The following NFIC variants were observed in gnomAD, a reference collection of about 807,000 sequenced individuals.
NFIC encodes nuclear factor 1 C-type.
A neutral mutation model predicts 54.4 loss-of-function variants in NFIC; 12 were observed. That is an observed-to-expected ratio of 0.22 (90% CI 0.14 to 0.36). The LOEUF (loss-of-function observed/expected upper bound fraction) is 0.36. Ranked by LOEUF, NFIC falls within the 10% of genes least tolerant of loss-of-function variation. NFIC has a pLI of 1.00. For synonymous variants in NFIC, 322 were observed against 319.2 expected, an observed-to-expected ratio of 1.01 and a Z score of -0.09; for missense variants, 575 against 718.2, an observed-to-expected ratio of 0.80 and a Z score of 2.28.
At chr19:3,462,471 C>T (rs940631020) in intron 10 of NFIC, among the ~76,000 whole-genome samples, 11 of 152,240 alleles carry the variant, frequency 7.2e-5, no homozygotes, top group South Asian at 2.1e-4. Context: ...CCCAATGTTG[C>T]GTGGGCTAGA....
chr19:3,439,609 T>A (rs2082260571), intron 6 of NFIC, among the ~76,000 whole-genome samples: 2 of 149,862 alleles, frequency 1.3e-5, no homozygotes, highest in East Asian at 4.0e-4. Flanking sequence ...GCCATTACAC[T>A]CCAGCCTGGG....
At chr19:3,380,659 TCTTGCTCTGTCGCC>T (rs2081192568) in intron 1 of NFIC, among the ~76,000 whole-genome samples, 1 of 133,170 alleles carries the variant, frequency 7.5e-6, no homozygotes, top group African/African-American at 2.9e-5. Context: ...TTTGTGACAG[TCTTGCTCTGTCGCC>T]CAGGCTGGAG....
intron 2 of NFIC, among the ~76,000 whole-genome samples, chr19:3,412,035 G>A: frequency 6.6e-6 from 1 of 152,172 alleles, no homozygotes; most frequent in East Asian, 1.9e-4. Context: ...ACATTTTAAA[G>A]CCTGTAATCG....
chr19:3,430,822 CTT>C (rs1449416075), intron 3 of NFIC, among the ~76,000 whole-genome samples: 3 of 150,990 alleles, frequency 2.0e-5, no homozygotes, highest in African/African-American at 7.3e-5. Context: ...ATCCCAGCTA[CTT>C]GGGAGGCTGA....
In NFIC at chr19:3,433,526, G is replaced by A. The variant is rs775927356; in HGVS notation, c.643G>A (p.Asp215Asn). 5 of 1,613,858 alleles carry A rather than the reference G, an allele frequency of 3.1e-6. No homozygotes were observed. Among genetic ancestry groups the A allele is most frequent in the East Asian group, 2.2e-5 (1 of 44,872 alleles). ...DSKPITLDTT[D>N]FQESFVTSGV... Reference sequence around the variant, plus strand: ...CTGTCTTCCTGTTCCAGACACGACCGACTTCCAGGAGAGCTTTGTCACCTC... The same window carrying A: ...CTGTCTTCCTGTTCCAGACACGACCAACTTCCAGGAGAGCTTTGTCACCTC... Residue 215 changes from aspartate to asparagine, a missense_variant, in exon 4 of 11, where the codon GAC (aspartate) becomes AAC (asparagine). By Grantham distance (23) the Asp-to-Asn change is conservative. Around this residue, in one of 3 missense-constraint regions of NFIC, gnomAD observed 447 missense variants for 526.9 expected, o/e 0.85. Transcript: ENST00000443272.
At chr19:3,432,622 C>T (rs915939585) in intron 3 of NFIC, among the ~76,000 whole-genome samples, 120 of 151,222 alleles carry the variant, frequency 7.9e-4, no homozygotes, top group African/African-American at 1.9e-3. Flanking sequence ...GATCACACAC[C>T]GAGGCAGGTG....
At chr19:3,415,414 C>CAT (rs1568433351) in intron 2 of NFIC, among the ~76,000 whole-genome samples, 9 of 151,876 alleles carry the variant, frequency 5.9e-5, no homozygotes, top group African/African-American at 1.7e-4. Flanking sequence ...AGCTCTACTG[C>CAT]GCCCGGCCAA....
At position 3,371,998 on chromosome 19, in the gene NFIC, C is replaced by CCTCTCTCTCTCT. The variant is rs56852086; in HGVS notation, c.30+5366_30+5377dup. Among the ~76,000 whole-genome samples, 91 of 35,412 alleles carry CCTCTCTCTCTCT rather than the reference C, an allele frequency of 2.6e-3. 14 individuals carry two copies. Among genetic ancestry groups the CCTCTCTCTCTCT allele is most frequent in the East Asian group, 3.9e-3 (4 of 1,038 alleles). The allele number at this position is 35,412 out of a possible 152,430, so 23.2% of individuals were successfully genotyped here. On this transcript the variant is annotated intron_variant, in intron 1 of 10. Transcript: ENST00000443272. ...CTTTCTCTCTCTCTCCCTCTCTCTC[C>CCTCTCTCTCTCT]CTCTCTCTCTCTCTCTCTCTCTCTC... is the stretch of plus-strand genomic sequence containing the variant.
intron 2 of NFIC, among the ~76,000 whole-genome samples, chr19:3,390,844 TG>T: frequency 2.1e-5 from 1 of 47,832 alleles, no homozygotes; most frequent in Middle Eastern, 0.01. Context: ...GAAAGTAGGA[TG>T]GGGGGTGCCA....
chr19:3,419,948 C>T (rs7246522), intron 2 of NFIC, among the ~76,000 whole-genome samples: 138,169 of 152,200 alleles, frequency 0.91, 62,802 homozygotes, highest in Non-Finnish European at 0.93. Flanking sequence ...TGTTTTCTCC[C>T]GAGATCAGGA....
chr19:3,448,862 A>C, intron 6 of NFIC, 152 bp from the exon 7 acceptor site: 1 of 1,226,892 alleles, frequency 8.2e-7, no homozygotes. Context: ...TCCTCTGTGT[A>C]ATGGGCTCAC....
At chr19:3,446,095 A>T (rs1302078546) in intron 6 of NFIC, among the ~76,000 whole-genome samples, 1 of 152,062 alleles carries the variant, frequency 6.6e-6, no homozygotes. Context: ...AATTATTTGG[A>T]AAATATTGAG....
intron 2 of NFIC, among the ~76,000 whole-genome samples, chr19:3,393,293 G>C (rs1198086007): frequency 1.3e-5 from 2 of 152,174 alleles, no homozygotes; most frequent in African/African-American, 2.4e-5. Flanking sequence ...CCAGCAAGGA[G>C]GGACCCTAGG....
At chr19:3,441,676 C>T (rs2082295864) in intron 6 of NFIC, among the ~76,000 whole-genome samples, 1 of 152,132 alleles carries the variant, frequency 6.6e-6, no homozygotes, top group South Asian at 2.1e-4. Context: ...AGGGAAGGGC[C>T]AGAGGGGCCG....
intron 1 of NFIC, among the ~76,000 whole-genome samples, chr19:3,376,045 G>A (rs1050011256): frequency 2.6e-5 from 4 of 152,066 alleles, no homozygotes; most frequent in Non-Finnish European, 2.9e-5. Context: ...CCAGGTCTCC[G>A]CCCCTCTCTG....
intron 2 of NFIC, among the ~76,000 whole-genome samples, chr19:3,421,948 G>A (rs906053079): frequency 1.3e-5 from 2 of 151,356 alleles, no homozygotes; most frequent in African/African-American, 4.9e-5. Context: ...TTTCTTTTTT[G>A]TTGAGATGGA....
intron 9 of NFIC, among the ~76,000 whole-genome samples, chr19:3,454,898 G>A (rs1006607618): frequency 3.3e-5 from 5 of 152,006 alleles, no homozygotes; most frequent in East Asian, 1.9e-4. Flanking sequence ...CATAAAAACC[G>A]GCTTCTGATC....
At chr19:3,409,281 TC>T (rs1173057894) in intron 2 of NFIC, among the ~76,000 whole-genome samples, 1 of 152,142 alleles carries the variant, frequency 6.6e-6, no homozygotes, top group Non-Finnish European at 1.5e-5. Context: ...TGGAACGCTT[TC>T]ACCCCAGCTC....
At chr19:3,443,876 A>G (rs1179927686) in intron 6 of NFIC, among the ~76,000 whole-genome samples, 1 of 152,178 alleles carries the variant, frequency 6.6e-6, no homozygotes, top group Admixed American at 6.5e-5. Flanking sequence ...ACCTTGGTGC[A>G]CTGTCAACGC....
Sources: gnomAD v4.1 joint callset for allele counts (sites outside exome capture counted in the v4.1 genomes callset) on GRCh38, gnomAD v4.1.1 for gene constraint, gnomAD v4.1.1 regional missense constraint, MANE v1.5 for transcripts, NCBI Gene and HGNC (gene_info 2026-07-23, HGNC 2026-07-21) for gene names.